UNC5C: variants seen among roughly 807,000 people sequenced by gnomAD.
The protein encoded by UNC5C is unc-5 netrin receptor C.
UNC5C carries 47 observed loss-of-function variants against 99.8 expected under a neutral mutation model. The observed-to-expected ratio is 0.47, with a 90% CI of 0.37 to 0.60. The LOEUF (loss-of-function observed/expected upper bound fraction) is 0.60. Ranked by LOEUF, UNC5C falls within the 20% of genes least tolerant of loss-of-function variation. The pLI, the probability that UNC5C is intolerant of heterozygous loss-of-function variation, is 0.00. For missense variants in UNC5C, 1,062 were observed against 1,165.9 expected, an observed-to-expected ratio of 0.91 and a Z score of 1.30; for synonymous variants, 487 against 452.2, an observed-to-expected ratio of 1.08 and a Z score of -0.98.
At chr4:95,374,470 C>G (rs1369900999) in intron 1 of UNC5C, among the ~76,000 whole-genome samples, 1 of 152,084 alleles carries the variant, frequency 6.6e-6, no homozygotes, top group Admixed American at 6.5e-5. Flanking sequence ...CATGCTCTGT[C>G]CACACCCCTT....
chr4:95,481,731 C>T (rs1431780127), intron 1 of UNC5C, among the ~76,000 whole-genome samples: 9 of 152,056 alleles, frequency 5.9e-5, no homozygotes, highest in African/African-American at 1.7e-4. Context: ...TGATCTTTGA[C>T]GAACCTGAGA....
At chr4:95,171,433 T>C (rs1736104000) in intron 14 of UNC5C, among the ~76,000 whole-genome samples, 1 of 144,554 alleles carries the variant, frequency 6.9e-6, no homozygotes. Flanking sequence ...ATGTTCCCCT[T>C]CCTGTGTCCA....
intron 2 of UNC5C, among the ~76,000 whole-genome samples, chr4:95,311,302 A>C (rs1742268916): frequency 6.6e-6 from 1 of 152,198 alleles, no homozygotes; most frequent in South Asian, 2.1e-4. Context: ...TATAAAAAAA[A>C]CAATTTTGTG....
At position 95,356,193 on chromosome 4, in the gene UNC5C, C is replaced by CAAAAAA. The variant is rs59097041; in HGVS notation, c.125-20568_125-20563dup. 2.4e-3 allele frequency among the ~76,000 whole-genome samples: 136 copies of CAAAAAA among 57,758 alleles called. 1 individual carries two copies. Among genetic ancestry groups the CAAAAAA allele is most frequent in the African/African-American group, 4.0e-3 (50 of 12,592 alleles). The allele number at this position is 57,758 out of a possible 152,430, so 37.9% of individuals were successfully genotyped here. A position where few individuals can be genotyped will look rare whatever the true frequency, so the allele number is the denominator to read the frequency against. ...TGGGTGACAGAGGAAGACCCTGTAG[C>CAAAAAA]AAAAAAAAAAAAAAAAAAACAAAAC... is the stretch of plus-strand genomic sequence containing the variant. On this transcript the variant is annotated intron_variant, in intron 1 of 15. Coordinates refer to ENST00000453304, the MANE Select transcript of UNC5C (RefSeq NM_003728.4).
chr4:95,253,004 T>C (rs139760474), intron 4 of UNC5C, among the ~76,000 whole-genome samples: 145 of 152,288 alleles, frequency 9.5e-4, no homozygotes, highest in African/African-American at 3.3e-3. Context: ...TGGGTCCCAT[T>C]CCCAACATAT....
intron 2 of UNC5C, among the ~76,000 whole-genome samples, chr4:95,333,553 A>G (rs1001378880): frequency 8.8e-5 from 11 of 125,486 alleles, no homozygotes; most frequent in Non-Finnish European, 1.8e-4. Context: ...GGGGAACATC[A>G]CACTCTGCGG....
chr4:95,452,340 G>A (rs1027935822), intron 1 of UNC5C, among the ~76,000 whole-genome samples: 4 of 151,760 alleles, frequency 2.6e-5, no homozygotes, highest in Non-Finnish European at 4.4e-5. Flanking sequence ...AAAATATTAA[G>A]AGCCAATTTT....
chr4:95,451,123 T>C (rs1054185662), intron 1 of UNC5C, among the ~76,000 whole-genome samples: 10 of 152,222 alleles, frequency 6.6e-5, no homozygotes, highest in African/African-American at 2.2e-4. Context: ...AGAGTGTTTG[T>C]AGCATTTAGA....
Position 95,169,128 on chromosome 4 carries a change from G to T in UNC5C, c.*106C>A. On this transcript the variant is annotated 3_prime_UTR_variant, in exon 16 of 16. Transcript: ENST00000453304. ...TGGCTCCTGCTGCAGTCTTGCCTGT[G>T]AAGTGCATTGGTCTCATCTGGATTT... 7.1e-7 allele frequency: 1 copy of T among 1,415,676 alleles called. No homozygotes were observed. The highest frequency in any genetic ancestry group is 1.3e-5 in the South Asian group (1 of 75,034). The allele number at this position is 1,415,676 out of a possible 1,614,324, so 87.7% of individuals were successfully genotyped here.
chr4:95,418,578 G>A (rs1238132085), intron 1 of UNC5C, among the ~76,000 whole-genome samples: 1 of 152,124 alleles, frequency 6.6e-6, no homozygotes, highest in East Asian at 1.9e-4. Context: ...ATAGTAACTT[G>A]AGGCCTACTT....
At chr4:95,301,832 A>C in intron 2 of UNC5C, 83 bp from the exon 3 acceptor site, 3 of 1,507,648 alleles carry the variant, frequency 2.0e-6, no homozygotes, top group Non-Finnish European at 2.7e-6. Flanking sequence ...TTTTTCCCCC[A>C]GTCATCCCTT....
chr4:95,328,864 G>C (rs894052746), intron 2 of UNC5C, among the ~76,000 whole-genome samples: 1 of 152,176 alleles, frequency 6.6e-6, no homozygotes, highest in African/African-American at 2.4e-5. Flanking sequence ...ACTCACTGCT[G>C]CAGGCTGGTA....
intron 14 of UNC5C, among the ~76,000 whole-genome samples, chr4:95,171,108 T>G (rs1446254734): frequency 6.6e-6 from 1 of 152,236 alleles, no homozygotes; most frequent in Non-Finnish European, 1.5e-5. Context: ...CTAATCATTT[T>G]CTGATCACTT....
rs769721216 is a variant in UNC5C at position 95,242,613 on chromosome 4, G to GCA, written c.944-22_944-21dup. 5.9e-5 allele frequency: 90 copies of GCA among 1,538,436 alleles called. No homozygotes were observed. Among genetic ancestry groups the GCA allele is most frequent in the Non-Finnish European group, 6.8e-5 (78 of 1,139,412 alleles). ...CATCCACTGCCATGGAAAAAATGCA[G>GCA]CAGGAGGTCAGAGGGAGAGGCAGCT... On this transcript the variant is annotated intron_variant, in intron 6 of 15. Transcript: ENST00000453304.
intron 7 of UNC5C, among the ~76,000 whole-genome samples, chr4:95,228,693 A>G (rs892542171): frequency 9.2e-5 from 14 of 152,234 alleles, no homozygotes; most frequent in African/African-American, 3.4e-4. Context: ...AGACAAGGAA[A>G]TAACAGAAGA....
At chr4:95,518,236 T>C (rs1437728761) in intron 1 of UNC5C, among the ~76,000 whole-genome samples, 1 of 152,140 alleles carries the variant, frequency 6.6e-6, no homozygotes, top group Non-Finnish European at 1.5e-5. Context: ...ACAAGGCCCA[T>C]TTTCTCACTC....
intron 3 of UNC5C, among the ~76,000 whole-genome samples, chr4:95,283,593 C>T (rs190664380): frequency 6.6e-6 from 1 of 152,274 alleles, no homozygotes; most frequent in African/African-American, 2.4e-5. Context: ...AGAAGGCAGG[C>T]CAGTTGCCTT....
At chr4:95,178,195 T>G (rs1445784682) in intron 14 of UNC5C, among the ~76,000 whole-genome samples, 1 of 152,216 alleles carries the variant, frequency 6.6e-6, no homozygotes, top group East Asian at 1.9e-4. Context: ...CCTTAGAGTC[T>G]GAGCACCACT....
chr4:95,301,560 T>C, intron 3 of UNC5C, 46 bp downstream of exon 3: 5 of 1,611,576 alleles, frequency 3.1e-6, no homozygotes, highest in Non-Finnish European at 3.4e-6. Context: ...TTCCCTTATG[T>C]GTATCAACTT....
Sources: allele counts gnomAD v4.1 joint callset (sites outside exome capture counted in the v4.1 genomes callset), GRCh38; gene constraint gnomAD v4.1.1; transcripts MANE v1.5; gene names NCBI Gene and HGNC (gene_info 2026-07-23, HGNC 2026-07-21).